The following PTPRN2 variants were observed in gnomAD, a reference collection of about 807,000 sequenced individuals.
PTPRN2 encodes receptor-type tyrosine-protein phosphatase N2.
A neutral mutation model predicts 118.8 loss-of-function variants in PTPRN2; 74 were observed. The observed-to-expected ratio is 0.62, with a 90% CI of 0.52 to 0.76. PTPRN2 has a LOEUF of 0.76. PTPRN2 is among the 30% of genes least tolerant of loss of function. The pLI is 0.00. For synonymous variants in PTPRN2, 641 were observed against 608.0 expected (o/e 1.05, Z -0.80); for missense variants, 1,481 against 1,394.4 (o/e 1.06, Z -0.99).
intron 1 of PTPRN2, among the ~76,000 whole-genome samples, chr7:158,531,691 G>A (rs1033817471): frequency 2.0e-5 from 3 of 152,224 alleles, no homozygotes; most frequent in East Asian, 1.9e-4. Flanking sequence ...TGCACCACTG[G>A]ACCATCACCT....
intron 9 of PTPRN2, among the ~76,000 whole-genome samples, chr7:158,129,492 ACACACACCATGC>A (rs1440058549): frequency 1.8e-5 from 2 of 112,478 alleles, no homozygotes; most frequent in Non-Finnish European, 2.1e-5. Context: ...CACAGCACAC[ACACACACCATGC>A]AACATACTAC....
At chr7:157,872,264 T>A (rs1340625570) in intron 12 of PTPRN2, among the ~76,000 whole-genome samples, 1 of 127,144 alleles carries the variant, frequency 7.9e-6, no homozygotes, top group Non-Finnish European at 1.6e-5. Flanking sequence ...TCCAGTGTCC[T>A]CCCCACACAC....
rs566219725 is a variant in PTPRN2 at position 158,188,405 on chromosome 7, G to A, written c.549+3922C>T. On this transcript the variant is annotated intron_variant, in intron 5 of 22. Transcript: ENST00000389418. ...CGCTCGCCCCGCGATGGGGAAGGCC[G>A]CCACGCTCGCCCCCTGATGGGGAAG... 9.6e-4 allele frequency among the ~76,000 whole-genome samples: 47 copies of A among 49,048 alleles called. 7 individuals are homozygous for A. The highest frequency in any genetic ancestry group is 4.6e-3 in the African/African-American group (42 of 9,044). The allele number at this position is 49,048 out of a possible 152,430, so 32.2% of individuals were successfully genotyped here.
At chr7:157,652,857 C>G (rs1012067598) in intron 14 of PTPRN2, among the ~76,000 whole-genome samples, 1 of 152,366 alleles carries the variant, frequency 6.6e-6, no homozygotes, top group Middle Eastern at 3.4e-3. Flanking sequence ...ATGGAGTGCT[C>G]ATTTCTAGAG....
At chr7:158,391,021 C>T (rs1418834971) in intron 2 of PTPRN2, among the ~76,000 whole-genome samples, 1 of 152,206 alleles carries the variant, frequency 6.6e-6, no homozygotes, top group African/African-American at 2.4e-5. Flanking sequence ...TAATTCACCA[C>T]TTCCAAATTC....
At position 158,219,705 on chromosome 7, in the gene PTPRN2, A is replaced by G. The variant is rs1156766911; in HGVS notation, c.278-14432T>C. On this transcript the variant is annotated intron_variant, in intron 3 of 22. Coordinates refer to ENST00000389418, the MANE Select transcript of PTPRN2 (RefSeq NM_002847.5). ...ACCTAAATAAGCACAATAAGAAATGACAACGGTGATATTACAAGAAAACCT... is the reference window on the plus strand; with the variant it reads ...ACCTAAATAAGCACAATAAGAAATGGCAACGGTGATATTACAAGAAAACCT... Among the ~76,000 whole-genome samples the G allele has an allele frequency of 3.3e-5, 5 of 152,140 alleles. No homozygotes were observed. In the East Asian group the frequency reaches 9.6e-4, roughly 29 times the overall value.
At chr7:158,363,964 G>A (rs749109260) in intron 2 of PTPRN2, among the ~76,000 whole-genome samples, 156 of 152,268 alleles carry the variant, frequency 1.0e-3, no homozygotes, top group African/African-American at 3.6e-3. Flanking sequence ...TGCACATGGG[G>A]AGACACACAC....
intron 2 of PTPRN2, among the ~76,000 whole-genome samples, chr7:158,362,673 A>T (rs752728261): frequency 1.9e-4 from 27 of 144,964 alleles, no homozygotes; most frequent in Non-Finnish European, 3.8e-4. Context: ...GGATGTGCGT[A>T]TAAAACCGTA....
At chr7:158,450,793 C>G (rs1795608473) in intron 2 of PTPRN2, among the ~76,000 whole-genome samples, 1 of 152,248 alleles carries the variant, frequency 6.6e-6, no homozygotes, top group Admixed American at 6.5e-5. Flanking sequence ...AGACTGTAAA[C>G]GATGCCACCT....
chr7:157,593,752 G>T (rs191566499), intron 17 of PTPRN2, among the ~76,000 whole-genome samples: 2 of 152,254 alleles, frequency 1.3e-5, no homozygotes, highest in African/African-American at 4.8e-5. Flanking sequence ...AAACTCCTGA[G>T]ACGATGGGCC....
intron 12 of PTPRN2, among the ~76,000 whole-genome samples, chr7:157,887,406 CCCA>C (rs1796516142): frequency 7.3e-6 from 1 of 137,310 alleles, no homozygotes; most frequent in East Asian, 2.2e-4. Flanking sequence ...GCCCACTCCC[CCCA>C]GTACCCACTT....
intron 1 of PTPRN2, among the ~76,000 whole-genome samples, chr7:158,550,757 C>T (rs1826597313): frequency 6.6e-6 from 1 of 152,214 alleles, no homozygotes. Context: ...TGGGCTGGGA[C>T]CTGACTTCCT....
intron 9 of PTPRN2, among the ~76,000 whole-genome samples, chr7:158,114,645 C>T (rs1036466262): frequency 9.2e-5 from 14 of 152,220 alleles, no homozygotes; most frequent in East Asian, 5.8e-4. Flanking sequence ...GCAGGAACAA[C>T]GGTAAAGAAT....
chr7:158,221,560 G>C (rs1828372046), intron 3 of PTPRN2, among the ~76,000 whole-genome samples: 1 of 152,170 alleles, frequency 6.6e-6, no homozygotes, highest in African/African-American at 2.4e-5. Context: ...AGTTCCATGT[G>C]GCTGGGGAGG....
rs371580505 is a variant in PTPRN2, at chr7:158,363,976, C to G, written c.164-47044G>C. ...ACATGCACATGGGGAGACACACACA[C>G]GCTTCCCCAGACATCGCCTCCTGCC... On this transcript the variant is annotated intron_variant, in intron 2 of 22. Transcript: ENST00000389418. Among the ~76,000 whole-genome samples, 29 of 152,302 alleles carry G rather than the reference C, an allele frequency of 1.9e-4. 1 individual carries two copies. The South Asian group carries it at 3.3e-3, about 17-fold the overall frequency.
intron 3 of PTPRN2, among the ~76,000 whole-genome samples, chr7:158,288,831 C>A (rs1181575000): frequency 6.6e-6 from 1 of 152,128 alleles, no homozygotes; most frequent in Non-Finnish European, 1.5e-5. Flanking sequence ...GCTTGAAGAA[C>A]TCTCTTTAGA....
At chr7:157,939,759 C>T (rs1471821165) in intron 11 of PTPRN2, among the ~76,000 whole-genome samples, 2 of 152,232 alleles carry the variant, frequency 1.3e-5, no homozygotes, top group African/African-American at 2.4e-5. Context: ...ATGTGTTTGC[C>T]TAGCAGTTGG....
chr7:157,746,642 G>A (rs759206277), intron 12 of PTPRN2, among the ~76,000 whole-genome samples: 16 of 151,570 alleles, frequency 1.1e-4, no homozygotes, highest in Non-Finnish European at 2.2e-4. Flanking sequence ...GAGATCACGG[G>A]CCTCTATACA....
chr7:157,625,030 AT>A (rs1416310386), intron 14 of PTPRN2, among the ~76,000 whole-genome samples: 1 of 152,236 alleles, frequency 6.6e-6, no homozygotes, highest in African/African-American at 2.4e-5. Context: ...CCACAATGCA[AT>A]ACCACCTTCC....
Sources: allele counts gnomAD v4.1 joint callset (sites outside exome capture counted in the v4.1 genomes callset), GRCh38; gene constraint gnomAD v4.1.1; transcripts MANE v1.5; gene names NCBI Gene and HGNC (gene_info 2026-07-23, HGNC 2026-07-21).